Variants in STXBP5L observed in about 807,000 individuals in gnomAD.
The protein encoded by STXBP5L is syntaxin-binding protein 5-like.
A neutral mutation model predicts 144.5 loss-of-function variants in STXBP5L; 65 were observed. The ratio of observed to expected loss-of-function variants is 0.45; its 90% CI spans 0.37 to 0.55. The LOEUF (loss-of-function observed/expected upper bound fraction) is 0.55, where lower values mean the gene tolerates loss of function less well. Among genes scored for constraint, STXBP5L ranks in the 20% least tolerant of loss-of-function variants. The pLI is 0.00. For missense variants in STXBP5L, 1,298 were observed against 1,405.5 expected, an observed-to-expected ratio of 0.92 and a Z score of 1.22; for synonymous variants, 505 against 469.6, an observed-to-expected ratio of 1.08 and a Z score of -0.97.
rs559772814 is a variant in STXBP5L, at chr3:121,090,295, A to T, written c.471-24630A>T. Among the ~76,000 whole-genome samples the T allele has an allele frequency of 2.6e-5, 4 of 152,212 alleles. No homozygotes were observed. The East Asian group carries it at 7.7e-4, about 29-fold the overall frequency. On this transcript the variant is annotated intron_variant, in intron 5 of 26. Transcript: ENST00000471454. Reference sequence around the variant, plus strand: ...TCAGGTGCTCCATTTAAACTCACTGACATCTTAGATAGGGAGAGACACCTT... The same window carrying T: ...TCAGGTGCTCCATTTAAACTCACTGTCATCTTAGATAGGGAGAGACACCTT...
At chr3:121,061,211 G>T (rs187262853) in intron 5 of STXBP5L, among the ~76,000 whole-genome samples, 4 of 152,176 alleles carry the variant, frequency 2.6e-5, no homozygotes, top group Admixed American at 6.5e-5. Flanking sequence ...CTTTATTTCT[G>T]CCTTAATTTT....
chr3:121,242,748 A>G (rs2049710905), intron 14 of STXBP5L, among the ~76,000 whole-genome samples: 1 of 152,194 alleles, frequency 6.6e-6, no homozygotes, highest in African/African-American at 2.4e-5. Flanking sequence ...CACTTCAAAT[A>G]TAACAGCATA....
At chr3:120,936,405 A>AG (rs1282881889) in intron 2 of STXBP5L, among the ~76,000 whole-genome samples, 1 of 151,048 alleles carries the variant, frequency 6.6e-6, no homozygotes, top group Admixed American at 6.6e-5. Flanking sequence ...AAAATGGAAA[A>AG]AAGGATGCAC....
At chr3:120,939,154 A>G (rs1710424464) in intron 2 of STXBP5L, among the ~76,000 whole-genome samples, 1 of 152,172 alleles carries the variant, frequency 6.6e-6, no homozygotes, top group Non-Finnish European at 1.5e-5. Flanking sequence ...CTATAGAAAT[A>G]AATAAAAATT....
intron 20 of STXBP5L, among the ~76,000 whole-genome samples, chr3:121,343,144 T>C (rs1250626854): frequency 4.6e-5 from 7 of 152,176 alleles, no homozygotes; most frequent in African/African-American, 1.2e-4. Flanking sequence ...ATAAATGTCT[T>C]CTTTTGAGAA....
intron 5 of STXBP5L, among the ~76,000 whole-genome samples, chr3:121,051,846 C>A (rs1948027742): frequency 6.6e-6 from 1 of 151,704 alleles, no homozygotes; most frequent in Non-Finnish European, 1.5e-5. Flanking sequence ...GCTAGCAAGA[C>A]TAGTAAAGAA....
At chr3:120,919,930 T>G (rs1709281482) in intron 2 of STXBP5L, among the ~76,000 whole-genome samples, 1 of 151,786 alleles carries the variant, frequency 6.6e-6, no homozygotes, top group Non-Finnish European at 1.5e-5. Context: ...CTTTCTTTCT[T>G]TTTTCCTTGT....
intron 9 of STXBP5L, among the ~76,000 whole-genome samples, chr3:121,168,054 CCTCCAGCAAA>C (rs1270001978): frequency 1.3e-5 from 2 of 152,126 alleles, no homozygotes; most frequent in African/African-American, 2.4e-5. Context: ...CTGGAGTGGA[CCTCCAGCAAA>C]CTCCAGCAGA....
chr3:121,302,339 T>C (rs559788232), intron 19 of STXBP5L, among the ~76,000 whole-genome samples: 1 of 152,330 alleles, frequency 6.6e-6, no homozygotes, highest in South Asian at 2.1e-4. Context: ...ATAGAGGTGT[T>C]TATAGTATTC....
chr3:121,101,956 C>T (rs1329049277), intron 5 of STXBP5L, among the ~76,000 whole-genome samples: 1 of 151,786 alleles, frequency 6.6e-6, no homozygotes, highest in African/African-American at 2.4e-5. Flanking sequence ...GAAAACAATC[C>T]CATATACAAT....
At chr3:121,163,271 G>A (rs954673492) in intron 9 of STXBP5L, among the ~76,000 whole-genome samples, 1 of 152,174 alleles carries the variant, frequency 6.6e-6, no homozygotes, top group Admixed American at 6.5e-5. Context: ...GTCCTTTGTA[G>A]GGACATGGAT....
At chr3:120,950,228 T>C (rs1379155711) in intron 2 of STXBP5L, among the ~76,000 whole-genome samples, 1 of 152,028 alleles carries the variant, frequency 6.6e-6, no homozygotes, top group African/African-American at 2.4e-5. Flanking sequence ...ACTTGATTCT[T>C]TTACATGTGG....
intron 3 of STXBP5L, among the ~76,000 whole-genome samples, chr3:121,032,261 AAG>A (rs1553778586): frequency 1.3e-5 from 2 of 151,926 alleles, no homozygotes; most frequent in Non-Finnish European, 2.9e-5. Flanking sequence ...AAAAAAAAAA[AAG>A]AAATTGGAGA....
intron 3 of STXBP5L, among the ~76,000 whole-genome samples, chr3:121,019,476 CACTT>C (rs1482373367): frequency 3.3e-5 from 5 of 152,166 alleles, no homozygotes; most frequent in Admixed American, 3.3e-4. Context: ...AAAACCAACA[CACTT>C]ACCAAAAATA....
At chr3:121,074,720 G>A (rs1308161548) in intron 5 of STXBP5L, among the ~76,000 whole-genome samples, 1 of 152,166 alleles carries the variant, frequency 6.6e-6, no homozygotes, top group Non-Finnish European at 1.5e-5. Context: ...GACAGTAGGG[G>A]TCATTATCAT....
chr3:121,166,729 A>G (rs1168504877), intron 9 of STXBP5L, among the ~76,000 whole-genome samples: 1 of 152,200 alleles, frequency 6.6e-6, no homozygotes, highest in Non-Finnish European at 1.5e-5. Context: ...CAATATTAAT[A>G]CATAGAGTAG....
In STXBP5L at chr3:121,413,190, ATTAT is replaced by A; in HGVS notation, c.2984_2987del (p.Tyr995CysfsTer3). Reference sequence around the variant, plus strand: ...AGTCTTCGCCCAATGTTGGATGTTAATTATTTGCCACTGACAGACATGAGGATAG... The same window carrying A: ...AGTCTTCGCCCAATGTTGGATGTTAATTGCCACTGACAGACATGAGGATAG... On this transcript the variant is annotated frameshift_variant, in exon 24 of 27. Coordinates refer to ENST00000471454, the MANE Select transcript of STXBP5L (RefSeq NM_001308330.2). LOFTEE classifies it high-confidence loss of function. 6.2e-7 allele frequency: 1 copy of A among 1,605,106 alleles called. No individual in the cohort carries two copies. The highest frequency in any genetic ancestry group is 8.5e-7 in the Non-Finnish European group (1 of 1,177,154).
intron 3 of STXBP5L, among the ~76,000 whole-genome samples, chr3:120,975,175 G>A (rs865779415): frequency 1.3e-5 from 2 of 152,186 alleles, no homozygotes; most frequent in East Asian, 1.9e-4. Context: ...CTACTCATGA[G>A]CATGGAATAT....
chr3:121,391,893 C>T (rs1356274658), intron 22 of STXBP5L, among the ~76,000 whole-genome samples: 3 of 152,220 alleles, frequency 2.0e-5, no homozygotes, highest in Admixed American at 2.0e-4. Flanking sequence ...TCTGTCTGTT[C>T]TCAGAGCTCA....
Sources: gnomAD v4.1 joint callset for allele counts (sites outside exome capture counted in the v4.1 genomes callset) on GRCh38, gnomAD v4.1.1 for gene constraint, MANE v1.5 for transcripts, NCBI Gene and HGNC (gene_info 2026-07-23, HGNC 2026-07-21) for gene names.